The following YAP1 variants were observed in gnomAD, a reference collection of about 807,000 sequenced individuals.
YAP1 encodes the protein transcriptional coactivator YAP1.
Under a neutral mutation model 56.9 loss-of-function variants are expected in YAP1, and 5 were observed. That is an observed-to-expected ratio of 0.09 (90% CI 0.05 to 0.18). YAP1 has a LOEUF of 0.18. YAP1 is among the 10% of genes least tolerant of loss of function. The probability of loss-of-function intolerance (pLI) is 1.00; values close to 1 mark genes in which losing one functional copy is unlikely to be tolerated. For synonymous variants in YAP1, 265 were observed against 248.1 expected (o/e 1.07, Z -0.64); for missense variants, 539 against 651.8 (o/e 0.83, Z 1.88).
intron 4 of YAP1, among the ~76,000 whole-genome samples, chr11:102,198,550 A>G (rs1948686098): frequency 6.6e-6 from 1 of 152,198 alleles, no homozygotes. Flanking sequence ...TAGCTCTAGA[A>G]TCTGTTTTGA....
intron 3 of YAP1, among the ~76,000 whole-genome samples, chr11:102,184,745 T>C (rs1947855880): frequency 1.3e-5 from 2 of 152,126 alleles, no homozygotes. Context: ...AAGAAGGGAA[T>C]TGTTCTATTT....
At chr11:102,147,656 C>G (rs1339441528) in intron 2 of YAP1, among the ~76,000 whole-genome samples, 1 of 152,194 alleles carries the variant, frequency 6.6e-6, no homozygotes, top group Non-Finnish European at 1.5e-5. Context: ...AGGATGGCTT[C>G]TACACAGGCA....
chr11:102,131,718 A>G (rs909371792), intron 2 of YAP1, among the ~76,000 whole-genome samples: 2 of 152,272 alleles, frequency 1.3e-5, no homozygotes, highest in Non-Finnish European at 1.5e-5. Context: ...AGTATTTACT[A>G]TGTGTATTCT....
At chr11:102,221,328 TTTAAAGTACAGGATTGAAAAGAAA>T (rs1347300623) in intron 6 of YAP1, among the ~76,000 whole-genome samples, 1 of 152,220 alleles carries the variant, frequency 6.6e-6, no homozygotes, top group Non-Finnish European at 1.5e-5. Context: ...TTTGTTTTTT[TTTAAAGTACAGGATTGAAAAGAAA>T]AGGAATTTCA....
At chr11:102,153,729 G>A (rs1945790908) in intron 2 of YAP1, among the ~76,000 whole-genome samples, 1 of 152,024 alleles carries the variant, frequency 6.6e-6, no homozygotes, top group Non-Finnish European at 1.5e-5. Context: ...TTAGTAAACA[G>A]CCTTTTTACT....
At chr11:102,160,508 G>A (rs926287089) in intron 2 of YAP1, among the ~76,000 whole-genome samples, 5 of 152,084 alleles carry the variant, frequency 3.3e-5, no homozygotes, top group Non-Finnish European at 4.4e-5. Context: ...TTCTGGATTC[G>A]TCTTAATAGA....
At chr11:102,132,854 T>C (rs918963710) in intron 2 of YAP1, among the ~76,000 whole-genome samples, 18 of 152,254 alleles carry the variant, frequency 1.2e-4, no homozygotes, top group Non-Finnish European at 2.1e-4. Flanking sequence ...TTTTTTACTT[T>C]TTTTATTTTT....
chr11:102,118,686 G>A (rs1943456959), intron 2 of YAP1, among the ~76,000 whole-genome samples: 1 of 151,304 alleles, frequency 6.6e-6, no homozygotes, highest in African/African-American at 2.4e-5. Context: ...GGCAGGTGGA[G>A]GCTGCAGTGA....
chr11:102,190,406 G>A (rs987193574), intron 4 of YAP1, among the ~76,000 whole-genome samples: 2 of 150,598 alleles, frequency 1.3e-5, no homozygotes, highest in African/African-American at 4.9e-5. Context: ...CAAGGTGGAT[G>A]GATCACTTGA....
At position 102,229,991 on chromosome 11, in the gene YAP1, A is replaced by G; in HGVS notation, c.*51A>G. ...ATCTGTGAAGGATCTAAGGAGACACATGCACCGGAAATTTCCATAAGCCAG... is the reference window on the plus strand; with the variant it reads ...ATCTGTGAAGGATCTAAGGAGACACGTGCACCGGAAATTTCCATAAGCCAG... On this transcript the variant is annotated 3_prime_UTR_variant, in exon 9 of 9. Coordinates refer to ENST00000282441, the MANE Select transcript of YAP1 (RefSeq NM_001130145.3). The G allele has an allele frequency of 3.3e-6, 5 of 1,506,678 alleles. No individual in the cohort carries two copies. The highest frequency in any genetic ancestry group is 1.8e-5 in the Admixed American group (1 of 55,964). The allele number at this position is 1,506,678 out of a possible 1,614,324, so 93.3% of individuals were successfully genotyped here. A position where few individuals can be genotyped will look rare whatever the true frequency, so the allele number is the denominator to read the frequency against.
intron 2 of YAP1, among the ~76,000 whole-genome samples, chr11:102,150,960 C>T (rs1050884401): frequency 2.0e-5 from 3 of 151,738 alleles, no homozygotes; most frequent in African/African-American, 7.3e-5. Context: ...ACCACCATGC[C>T]GAACTAATTT....
chr11:102,130,410 T>C (rs990358566), intron 2 of YAP1, among the ~76,000 whole-genome samples: 2 of 152,082 alleles, frequency 1.3e-5, no homozygotes, highest in African/African-American at 4.8e-5. Context: ...ATTGATTGAT[T>C]GATTGATTGA....
intron 6 of YAP1, among the ~76,000 whole-genome samples, chr11:102,222,567 C>G (rs1949984744): frequency 6.6e-6 from 1 of 152,142 alleles, no homozygotes; most frequent in Admixed American, 6.5e-5. Context: ...AGCCTTTGCT[C>G]AGGTTTACAG....
intron 2 of YAP1, among the ~76,000 whole-genome samples, chr11:102,121,296 C>A (rs11225134): frequency 1.3e-5 from 2 of 151,752 alleles, no homozygotes; most frequent in Non-Finnish European, 2.9e-5. Context: ...AAAAATTAGC[C>A]GAGCATGGTG....
intron 6 of YAP1, among the ~76,000 whole-genome samples, chr11:102,221,697 T>C (rs1949937666): frequency 6.6e-6 from 1 of 151,684 alleles, no homozygotes; most frequent in Admixed American, 6.6e-5. Context: ...CATTCCAGAT[T>C]GGGTGACAGA....
intron 3 of YAP1, among the ~76,000 whole-genome samples, chr11:102,166,544 A>G (rs927685139): frequency 5.9e-5 from 9 of 152,210 alleles, no homozygotes; most frequent in African/African-American, 1.7e-4. Flanking sequence ...AGAGCATGTA[A>G]GTAAATTTTG....
At chr11:102,223,589 A>C in intron 6 of YAP1, 33 bp from the exon 7 acceptor site, 1 of 1,607,852 alleles carries the variant, frequency 6.2e-7, no homozygotes, top group Non-Finnish European at 8.5e-7. Context: ...GTTAATCAGT[A>C]GATTGATTCT....
chr11:102,168,400 A>G (rs1024055580), intron 3 of YAP1, among the ~76,000 whole-genome samples: 1 of 152,152 alleles, frequency 6.6e-6, no homozygotes, highest in Non-Finnish European at 1.5e-5. Context: ...GAATCAACCC[A>G]TTTATCTGCT....
At chr11:102,156,014 A>G (rs1945918838) in intron 2 of YAP1, among the ~76,000 whole-genome samples, 1 of 151,368 alleles carries the variant, frequency 6.6e-6, no homozygotes, top group Admixed American at 6.6e-5. Flanking sequence ...CAGAGTTGGT[A>G]CCCATCACAT....
Sources: gnomAD v4.1 joint callset for allele counts (sites outside exome capture counted in the v4.1 genomes callset) on GRCh38, gnomAD v4.1.1 for gene constraint, MANE v1.5 for transcripts, NCBI Gene and HGNC (gene_info 2026-07-23, HGNC 2026-07-21) for gene names.